Variants in IL17REL observed in about 807,000 individuals in gnomAD.
The protein encoded by IL17REL is interleukin-17 receptor E-like protein.
A neutral mutation model predicts 49.0 loss-of-function variants in IL17REL; 36 were observed. The ratio of observed to expected loss-of-function variants is 0.73; its 90% CI spans 0.56 to 0.97. The LOEUF is 0.97. IL17REL is among the 50% of genes least tolerant of loss of function. The pLI is 0.00. For missense variants in IL17REL, 470 were observed against 453.9 expected (o/e 1.04, Z -0.32); for synonymous variants, 206 against 192.4 (o/e 1.07, Z -0.58).
At chr22:49,998,793 A>G (rs981261977) in intron 7 of IL17REL, among the ~76,000 whole-genome samples, 6 of 136,974 alleles carry the variant, frequency 4.4e-5, no homozygotes, top group African/African-American at 1.4e-4. Context: ...GGGTGTGCGT[A>G]TGCATGGGTG....
chr22:49,997,800 A>G (rs1214281920), intron 9 of IL17REL, 58 bp from the exon 12 acceptor site: 8 of 1,557,762 alleles, frequency 5.1e-6, no homozygotes, highest in Middle Eastern at 1.7e-4. Flanking sequence ...AGGGGCAGGG[A>G]CAGGGGCAGG....
intron 4 of IL17REL, among the ~76,000 whole-genome samples, 44 bp downstream of exon 6, chr22:50,000,152 A>G (rs893245476): frequency 6.6e-6 from 1 of 152,196 alleles, no homozygotes; most frequent in African/African-American, 2.4e-5. Context: ...AGCCTGTCGC[A>G]GCGTCTGAGG....
In IL17REL at chr22:49,997,754, G is replaced by T; in HGVS notation, c.820-12C>A. 6.2e-7 allele frequency: 1 copy of T among 1,613,730 alleles called. No individual in the cohort carries two copies. The highest frequency in any genetic ancestry group is 8.5e-7 in the Non-Finnish European group (1 of 1,179,842). On this transcript the variant is annotated splice_polypyrimidine_tract_variant and intron_variant, in intron 9 of 12. Coordinates refer to ENST00000341280, the Ensembl canonical transcript of IL17REL. ...CAACTGGTAGAGAACTGCAAAGTGG[G>T]GTGAGGGGTGCAGGAGGGTGGAGTG...
chr22:50,007,599 G>A (rs1309881458), intron 1 of IL17REL, among the ~76,000 whole-genome samples: 3 of 151,984 alleles, frequency 2.0e-5, no homozygotes, highest in South Asian at 2.1e-4. Context: ...GGCTGGTCTC[G>A]AACTCCTGAC....
intron 1 of IL17REL, among the ~76,000 whole-genome samples, chr22:50,005,038 A>T (rs1439976806): frequency 6.7e-6 from 1 of 150,088 alleles, no homozygotes; most frequent in African/African-American, 2.4e-5. Flanking sequence ...AAGGAAAATG[A>T]GGACATATAC....
downstream of IL17REL, among the ~76,000 whole-genome samples, chr22:49,994,064 C>A (rs2061019344): frequency 6.7e-6 from 1 of 149,668 alleles, no homozygotes; most frequent in African/African-American, 2.4e-5. Context: ...AGCCTGTATC[C>A]CCCCATTCCC....
In IL17REL at chr22:49,999,385, T is replaced by A. The variant is rs201338275; in HGVS notation, c.547-40A>T. On this transcript the variant is annotated intron_variant, in intron 6 of 12. Transcript: ENST00000341280. ...GGGGTCAGCGCAGCCCACCCATCCC[T>A]GTGCTCCCCTCACCCGCCCCAAGTC... The A allele has an allele frequency of 4.2e-4, 672 of 1,612,768 alleles. 9 individuals are homozygous for A. The East Asian group carries it at 0.015, about 35-fold the overall frequency.
intron 2 of IL17REL, 60 bp from the exon 4 acceptor site, chr22:50,000,923 G>T: frequency 7.3e-7 from 1 of 1,366,458 alleles, no homozygotes; most frequent in South Asian, 1.4e-5. Flanking sequence ...GGCTCCGGAC[G>T]GGGCCGTGGG....
intron 5 of IL17REL, 22 bp from the exon 8 acceptor site, chr22:49,999,524 T>C (rs1224872013): frequency 6.7e-7 from 1 of 1,492,872 alleles, no homozygotes; most frequent in East Asian, 2.9e-5. Flanking sequence ...AAAGGGCGGC[T>C]GAGGGGCCGC....
intron 1 of IL17REL, among the ~76,000 whole-genome samples, chr22:50,005,783 C>A (rs2061106352): frequency 6.6e-6 from 1 of 151,400 alleles, no homozygotes; most frequent in Admixed American, 6.6e-5. Context: ...CCAGCCTGGG[C>A]AACAAAGCGA....
At chr22:49,997,172 G>C in intron 11 of IL17REL, 98 bp from the exon 14 acceptor site, 1 of 1,413,228 alleles carries the variant, frequency 7.1e-7, no homozygotes, top group Non-Finnish European at 9.7e-7. Flanking sequence ...ACAAAGCAGG[G>C]CTGGCCTCCC....
chr22:49,998,067 C>G, exon 9 of IL17REL: 1 of 1,594,352 alleles, frequency 6.3e-7, no homozygotes. Context: ...GCGGGTACTG[C>G]ACCTGAGGAG....
At chr22:50,000,959 T>C in intron 2 of IL17REL, 96 bp from the exon 4 acceptor site, 1 of 1,275,206 alleles carries the variant, frequency 7.8e-7, no homozygotes, top group Non-Finnish European at 1.1e-6. Flanking sequence ...CTTCTCTCTG[T>C]GAAGTGCGGT....
chr22:49,999,265 G>T, intron 7 of IL17REL, 26 bp downstream of exon 9: 2 of 1,612,590 alleles, frequency 1.2e-6, no homozygotes, highest in Non-Finnish European at 1.7e-6. Context: ...CCACCCTTCC[G>T]CCCGTTGGCA....
intron 10 of IL17REL, chr22:49,997,452 T>C (rs758759831): frequency 6.6e-5 from 105 of 1,593,110 alleles, no homozygotes; most frequent in Non-Finnish European, 4.0e-5. Flanking sequence ...GGTGGCCCTT[T>C]GTGGGCGAAG....
In IL17REL at chr22:49,997,947, C is replaced by T. The variant is rs113614564; in HGVS notation, c.819+78G>A. The stretch of plus-strand genomic sequence containing the variant: ...GCTAGGCTCCAGGGCTGGGCAAGGG[C>T]CCCTGCCCCACTCCCCGCCCTGATG... On this transcript the variant is annotated intron_variant, in intron 9 of 12. Coordinates refer to ENST00000341280, the Ensembl canonical transcript of IL17REL. 1.0e-2 allele frequency: 15,462 copies of T among 1,547,188 alleles called. 99 individuals carry two copies. The highest frequency in any genetic ancestry group is 0.013 in the Non-Finnish European group (14,334 of 1,137,924).
chr22:49,999,540 A>T, intron 5 of IL17REL, 38 bp from the exon 8 acceptor site: 1 of 815,208 alleles, frequency 1.2e-6, no homozygotes, highest in African/African-American at 2.0e-5. Context: ...GCCGCGCGGG[A>T]GGGCGGGGGT....
At chr22:50,002,642 G>C (rs1346026159) in intron 1 of IL17REL, among the ~76,000 whole-genome samples, 1 of 151,906 alleles carries the variant, frequency 6.6e-6, no homozygotes, top group East Asian at 1.9e-4. Context: ...TTACAGGCAC[G>C]CACCACCACG....
At chr22:50,002,111 T>G (rs2146750489) in intron 1 of IL17REL, among the ~76,000 whole-genome samples, 1 of 152,312 alleles carries the variant, frequency 6.6e-6, no homozygotes, top group East Asian at 1.9e-4. Flanking sequence ...CCTCCTGTGA[T>G]AATGAGACTT....
Sources: gnomAD v4.1 joint callset for allele counts (sites outside exome capture counted in the v4.1 genomes callset) on GRCh38, gnomAD v4.1.1 for gene constraint, MANE v1.5 for transcripts, NCBI Gene and HGNC (gene_info 2026-07-23, HGNC 2026-07-21) for gene names.